The following UNC13C variants were observed in gnomAD, a reference collection of about 807,000 sequenced individuals.
The protein encoded by UNC13C is protein unc-13 homolog C.
In UNC13C, 174 loss-of-function variants were observed where a neutral mutation model predicts 245.4. The ratio of observed to expected loss-of-function variants is 0.71; its 90% CI spans 0.63 to 0.80. UNC13C has a LOEUF of 0.80. Among genes scored for constraint, UNC13C ranks in the 30% least tolerant of loss-of-function variants. The pLI is 0.00. For synonymous variants in UNC13C, 992 were observed against 895.1 expected (o/e 1.11, Z -1.93); for missense variants, 2,829 against 2,602.9 (o/e 1.09, Z -1.89).
chr15:53,932,618 T>A, the UNC13C span, among the ~76,000 whole-genome samples: 2 of 152,298 alleles, frequency 1.3e-5, no homozygotes, highest in Admixed American at 1.3e-4. Context: ...CTGTTCATAC[T>A]CTTCTTACCA....
chr15:53,944,262 CTTTTA>C, the UNC13C span, among the ~76,000 whole-genome samples: 11 of 151,460 alleles, frequency 7.3e-5, no homozygotes, highest in South Asian at 4.2e-4. Flanking sequence ...TTATTTTAAA[CTTTTA>C]TTTTAGGTTC....
intron 10 of UNC13C, among the ~76,000 whole-genome samples, chr15:54,269,162 T>G (rs1009079081): frequency 2.0e-5 from 3 of 152,174 alleles, no homozygotes; most frequent in Non-Finnish European, 2.9e-5. Context: ...GAAAACTCCC[T>G]CAAGGCAATA....
chr15:54,403,214 C>T (rs1302685841), intron 18 of UNC13C, among the ~76,000 whole-genome samples: 1 of 152,108 alleles, frequency 6.6e-6, no homozygotes, highest in Non-Finnish European at 1.5e-5. Context: ...TGTCATACTG[C>T]CAGGAGGTAT....
At chr15:53,940,929 G>A in the UNC13C span, among the ~76,000 whole-genome samples, 1 of 152,124 alleles carries the variant, frequency 6.6e-6, no homozygotes, top group Non-Finnish European at 1.5e-5. Context: ...AACTACCAGT[G>A]CCATTTTTGA....
chr15:54,180,796 G>GC (rs777853274), intron 4 of UNC13C, among the ~76,000 whole-genome samples: 16,507 of 151,786 alleles, frequency 0.11, 1,271 homozygotes, highest in African/African-American at 0.22. Context: ...TATGTCTTTT[G>GC]AGAATGGTCT....
intron 2 of UNC13C, among the ~76,000 whole-genome samples, chr15:54,090,973 G>A (rs1899537907): frequency 6.6e-6 from 1 of 151,282 alleles, no homozygotes; most frequent in Non-Finnish European, 1.5e-5. Flanking sequence ...GAGATGAGAT[G>A]CTCTTGGTGC....
chr15:54,314,244 T>C (rs138963417), intron 13 of UNC13C, among the ~76,000 whole-genome samples: 240 of 151,846 alleles, frequency 1.6e-3, no homozygotes, highest in African/African-American at 5.7e-3. Context: ...ATGGTGACTA[T>C]AGTTAATAAC....
At chr15:54,080,148 C>T (rs1898866882) in intron 2 of UNC13C, among the ~76,000 whole-genome samples, 1 of 151,770 alleles carries the variant, frequency 6.6e-6, no homozygotes, top group Non-Finnish European at 1.5e-5. Flanking sequence ...GTTGAATCAT[C>T]CTTGCATCCA....
Position 54,015,310 on chromosome 15 carries a change from AG to A in UNC13C, c.2410del (p.Ala804LeufsTer7), listed in dbSNP as rs1335084341. ...SFPKFGSTLQ[R>X]AKSALEVVWN... is the part of the protein sequence containing the mutation. ...CCCAAAATTTGGATCTACACTGCAG[AG>A]GGCTAAATCAGCCTTGGAAGTAGTA... On this transcript the variant is annotated frameshift_variant, in exon 2 of 33. Coordinates refer to ENST00000260323, the MANE Select transcript of UNC13C (RefSeq NM_001080534.3). LOFTEE classifies it high-confidence loss of function. 6.2e-7 allele frequency: 1 copy of A among 1,613,668 alleles called. No homozygotes were observed. The highest frequency in any genetic ancestry group is 8.5e-7 in the Non-Finnish European group (1 of 1,179,832).
intron 10 of UNC13C, among the ~76,000 whole-genome samples, chr15:54,281,018 A>G (rs967661809): frequency 4.6e-5 from 7 of 151,824 alleles, no homozygotes; most frequent in African/African-American, 1.7e-4. Flanking sequence ...GGCTGTTCTC[A>G]AACTCCTGAC....
intron 17 of UNC13C, among the ~76,000 whole-genome samples, chr15:54,373,491 TG>T (rs2039538562): frequency 6.6e-6 from 1 of 152,056 alleles, no homozygotes; most frequent in Non-Finnish European, 1.5e-5. Context: ...ACACTGGCTG[TG>T]GTGGGGTAGG....
At chr15:53,959,083 A>G in the UNC13C span, among the ~76,000 whole-genome samples, 1 of 152,244 alleles carries the variant, frequency 6.6e-6, no homozygotes, top group East Asian at 1.9e-4. Context: ...CCACTAACAT[A>G]ATCACCTCCA....
chr15:54,495,788 G>A (rs474879), intron 20 of UNC13C, among the ~76,000 whole-genome samples: 20,508 of 151,836 alleles, frequency 0.14, 1,419 homozygotes, highest in Non-Finnish European at 0.16. Context: ...AGGAATGGGG[G>A]GCAGAGAAGA....
At chr15:53,935,156 T>TA in the UNC13C span, among the ~76,000 whole-genome samples, 33,554 of 149,894 alleles carry the variant, frequency 0.22, 4,657 homozygotes, top group Non-Finnish European at 0.31. Context: ...TCCTCCTGAT[T>TA]AAAAAAAAAA....
intron 4 of UNC13C, among the ~76,000 whole-genome samples, chr15:54,204,306 G>GAAAAAAAAAAAAA (rs71132787): frequency 8.0e-6 from 1 of 124,866 alleles, no homozygotes. Context: ...ATTAAAAATT[G>GAAAAAAAAAAAAA]AAAAAAAAAA....
downstream of UNC13C, chr15:54,630,169 A>AAGAT (rs1427484983): frequency 1.3e-5 from 2 of 152,230 alleles, no homozygotes; most frequent in African/African-American, 4.8e-5. Context: ...CAGGTCTTTA[A>AAGAT]AGATACACGT....
intron 2 of UNC13C, among the ~76,000 whole-genome samples, chr15:54,087,313 C>A (rs1388877446): frequency 6.6e-6 from 1 of 152,120 alleles, no homozygotes; most frequent in African/African-American, 2.4e-5. Context: ...TCTATCATAT[C>A]AGTGGCAGAT....
At chr15:54,126,991 A>G (rs1229965773) in intron 2 of UNC13C, among the ~76,000 whole-genome samples, 1 of 152,236 alleles carries the variant, frequency 6.6e-6, no homozygotes, top group African/African-American at 2.4e-5. Flanking sequence ...AATGCAAATC[A>G]AAACCACAAT....
intron 2 of UNC13C, among the ~76,000 whole-genome samples, chr15:54,033,144 A>G (rs1237037314): frequency 6.6e-6 from 1 of 152,200 alleles, no homozygotes; most frequent in Non-Finnish European, 1.5e-5. Flanking sequence ...AAATAAAAAA[A>G]ATTTAAGATG....
Sources: gnomAD v4.1 joint callset for allele counts (sites outside exome capture counted in the v4.1 genomes callset) on GRCh38, gnomAD v4.1.1 for gene constraint, MANE v1.5 for transcripts, NCBI Gene and HGNC (gene_info 2026-07-23, HGNC 2026-07-21) for gene names.